GREP1: variants seen among roughly 807,000 people sequenced by gnomAD.
GREP1 encodes glycine-rich extracellular protein 1.
Position 2,994,884 on chromosome 16 carries a change from C to T in GREP1, c.449-43C>T, listed in dbSNP as rs1451947011. 4 of 399,108 alleles carry T rather than the reference C, an allele frequency of 1.0e-5. No individual in the cohort carries two copies. The South Asian group carries it at 3.8e-4, about 38-fold the overall frequency. The allele number at this position is 399,108 out of a possible 1,614,324, so 24.7% of individuals were successfully genotyped here. A position where few individuals can be genotyped will look rare whatever the true frequency, so the allele number is the denominator to read the frequency against. Reference sequence around the variant, plus strand: ...TCCCTCTGCCTCCCCAAAACCTGAGCTCCCTCCCCTCATTCATACCCCGCC... The same window carrying T: ...TCCCTCTGCCTCCCCAAAACCTGAGTTCCCTCCCCTCATTCATACCCCGCC... On this transcript the variant is annotated intron_variant, in intron 12 of 34. Coordinates refer to ENST00000573315, the Ensembl canonical transcript of GREP1.
chr16:3,001,928 G>C (rs2072464299), exon 35 of GREP1: 1 of 320,520 alleles, frequency 3.1e-6, no homozygotes, highest in Non-Finnish European at 5.7e-6. Flanking sequence ...CCACATCCAA[G>C]TTAGGGGCCT....
At chr16:3,001,469 G>A (rs972730006) in intron 34 of GREP1, 92 bp from the exon 29 acceptor site, 2 of 398,968 alleles carry the variant, frequency 5.0e-6, no homozygotes, top group South Asian at 1.3e-4. Context: ...CTGAGTGACT[G>A]ACCCCAGAAG....
chr16:2,997,719 C>T (rs1032255861), intron 22 of GREP1, 84 bp from the exon 21 acceptor site: 10 of 398,408 alleles, frequency 2.5e-5, no homozygotes, highest in Non-Finnish European at 3.5e-5. Flanking sequence ...GCATGGGCAC[C>T]AGGTGGGGGA....
chr16:3,001,813 T>C (rs919697293), exon 35 of GREP1: 8 of 394,794 alleles, frequency 2.0e-5, no homozygotes, highest in Non-Finnish European at 3.6e-5. Flanking sequence ...TGAGGCCATG[T>C]GCCAGGGACC....
chr16:2,997,848 C>T lies in GREP1; in HGVS notation c.949+13C>T. ...CCTCAGAAGCCAGGTAAGCCCTTCCCACTCCTCACTCTCCCTACCTGCAGA... is the reference window on the plus strand; with the variant it reads ...CCTCAGAAGCCAGGTAAGCCCTTCCTACTCCTCACTCTCCCTACCTGCAGA... On this transcript the variant is annotated intron_variant, in intron 23 of 34. Coordinates refer to ENST00000573315, the Ensembl canonical transcript of GREP1. 1 of 398,674 alleles carries T rather than the reference C, an allele frequency of 2.5e-6. No homozygotes were observed. The highest frequency in any genetic ancestry group is 4.4e-6 in the Non-Finnish European group (1 of 226,150). The allele number at this position is 398,674 out of a possible 1,614,324, so 24.7% of individuals were successfully genotyped here. A position where few individuals can be genotyped will look rare whatever the true frequency, so the allele number is the denominator to read the frequency against.
chr16:2,997,536 A>AGAGTCTGGAGAG, intron 22 of GREP1: 1 of 397,986 alleles, frequency 2.5e-6, no homozygotes, highest in Admixed American at 4.4e-5. Flanking sequence ...TAGACGGGGT[A>AGAGTCTGGAGAG]GAGTCTGGAG....
At chr16:3,000,780 C>T (rs1442432087) in exon 33 of GREP1, 1 of 398,952 alleles carries the variant, frequency 2.5e-6, no homozygotes, top group African/African-American at 2.1e-5. Flanking sequence ...GGCTTGAAGC[C>T]TGGATATCAG....
intron 5 of GREP1, 55 bp downstream of exon 5, chr16:2,990,177 G>A: frequency 2.5e-6 from 1 of 398,186 alleles, no homozygotes. Context: ...GACGGAAGAG[G>A]CAGGATTGGA....
At chr16:3,001,328 T>A in exon 34 of GREP1, 1 of 399,130 alleles carries the variant, frequency 2.5e-6, no homozygotes, top group Non-Finnish European at 4.4e-6. Flanking sequence ...GGGGAATGGC[T>A]ACGGAGGTGA....
intron 1 of GREP1, 85 bp downstream of exon 1, chr16:2,988,425 G>A: frequency 2.5e-6 from 1 of 399,300 alleles, no homozygotes; most frequent in East Asian, 3.6e-5. Flanking sequence ...CTGGCCAGAT[G>A]CTGGGGTTCT....
chr16:2,998,877 C>T (rs1431581227), exon 26 of GREP1: 2 of 399,142 alleles, frequency 5.0e-6, no homozygotes, highest in Non-Finnish European at 8.8e-6. Context: ...CGCTCCGATG[C>T]TCCTCCCCAG....
rs1011942201 is a variant in GREP1, at chr16:2,998,254, G to A, written c.950-102G>A. 16 of 398,264 alleles carry A rather than the reference G, an allele frequency of 4.0e-5. No individual in the cohort carries two copies. In the Admixed American group the frequency reaches 4.8e-4, roughly 12 times the overall value. The allele number at this position is 398,264 out of a possible 1,614,324, so 24.7% of individuals were successfully genotyped here. ...AGGGACCTGGCTGGGGCTCCTGCCAGGTGAAAAGACGGGGCTAGGGGGATC... is the reference window on the plus strand; with the variant it reads ...AGGGACCTGGCTGGGGCTCCTGCCAAGTGAAAAGACGGGGCTAGGGGGATC... On this transcript the variant is annotated intron_variant, in intron 23 of 34. Coordinates refer to ENST00000573315, the Ensembl canonical transcript of GREP1.
chr16:2,997,118 C>T (rs924288256), intron 21 of GREP1, 33 bp downstream of exon 20: 8 of 399,054 alleles, frequency 2.0e-5, no homozygotes, highest in Admixed American at 8.8e-5. Flanking sequence ...CTCTGCCTCC[C>T]CCAAACCCTG....
At chr16:3,001,432 G>C (rs1384155372) in intron 34 of GREP1, 98 bp downstream of exon 28, 1 of 398,988 alleles carries the variant, frequency 2.5e-6, no homozygotes, top group Admixed American at 4.4e-5. Context: ...GGGAAGGATA[G>C]CAGGTTCTGC....
chr16:2,995,642 G>C, exon 16 of GREP1: 1 of 398,878 alleles, frequency 2.5e-6, no homozygotes, highest in Non-Finnish European at 4.4e-6. Context: ...GAACCGATTT[G>C]GATTTGGAGC....
chr16:2,997,778 C>A (rs979700826), intron 22 of GREP1, 25 bp from the exon 21 acceptor site: 2 of 398,318 alleles, frequency 5.0e-6, no homozygotes, highest in African/African-American at 2.1e-5. Flanking sequence ...GGGCATGGGT[C>A]CCTCACCTAC....
Position 2,989,326 on chromosome 16 carries a change from G to A in GREP1, c.101-197G>A. 5.0e-6 allele frequency: 2 copies of A among 396,234 alleles called. No individual in the cohort carries two copies. Among genetic ancestry groups the A allele is most frequent in the East Asian group, 3.6e-5 (1 of 27,944 alleles). The allele number at this position is 396,234 out of a possible 1,614,324, so 24.5% of individuals were successfully genotyped here. On this transcript the variant is annotated intron_variant, in intron 2 of 34. Coordinates refer to ENST00000573315, the Ensembl canonical transcript of GREP1. This position sits in a 1 kb window ranked among gnomAD's most constrained non-coding sequence, Gnocchi z 4.2. ...TGTGACAGCAGGGAAACTGAGACCT[G>A]GAAAGGGAGGTGGCATCCAGATTTG... is the stretch of plus-strand genomic sequence containing the variant.
At chr16:2,997,453 A>T (rs2072431470) in intron 22 of GREP1, 2 of 398,924 alleles carry the variant, frequency 5.0e-6, no homozygotes, top group Admixed American at 8.8e-5. Context: ...GAGTGCAGAA[A>T]GGAGGAAAGA....
Position 3,001,262 on chromosome 16 carries a change from C to T in GREP1, c.1532-19C>T. The T allele has an allele frequency of 2.5e-6, 1 of 399,060 alleles. No homozygotes were observed. Among genetic ancestry groups the T allele is most frequent in the Non-Finnish European group, 4.4e-6 (1 of 226,064 alleles). The allele number at this position is 399,060 out of a possible 1,614,324, so 24.7% of individuals were successfully genotyped here. On this transcript the variant is annotated intron_variant, in intron 33 of 34. Coordinates refer to ENST00000573315, the Ensembl canonical transcript of GREP1. ...CTCTGGTGACCCGAGTGCTCCTGGT[C>T]TGTCTGTCTGTGCCACAGGGGGCCC... is the stretch of plus-strand genomic sequence containing the variant.
Sources: gnomAD v4.1 joint callset for allele counts on GRCh38, gnomAD v4.1.1 for gene constraint, Gnocchi (gnomAD v3.1) non-coding constraint, MANE v1.5 for transcripts, NCBI Gene and HGNC (gene_info 2026-07-23, HGNC 2026-07-21) for gene names.